Variants in MGST3 observed in about 807,000 individuals in gnomAD.
MGST3 encodes the protein glutathione S-transferase 3, mitochondrial.
Under a neutral mutation model 15.8 loss-of-function variants are expected in MGST3, and 13 were observed. The ratio of observed to expected loss-of-function variants is 0.82; its 90% confidence interval spans 0.54 to 1.31. The LOEUF is 1.31. MGST3 is among the 50% of genes most tolerant of loss of function. MGST3 has a pLI of 0.00. For synonymous variants in MGST3, 49 were observed against 68.1 expected (o/e 0.72, Z 1.38); for missense variants, 155 against 192.4 (o/e 0.81, Z 1.15).
chr1:165,643,511 G>C (rs1429205953), intron 1 of MGST3, among the ~76,000 whole-genome samples: 6 of 150,750 alleles, frequency 4.0e-5, no homozygotes, highest in African/African-American at 1.5e-4. Flanking sequence ...TAGAGCCCAG[G>C]AGTTCGAGAC....
intron 1 of MGST3, among the ~76,000 whole-genome samples, chr1:165,642,714 A>G (rs1047396704): frequency 4.6e-5 from 7 of 152,206 alleles, no homozygotes; most frequent in African/African-American, 1.7e-4. Context: ...TTATATTAGT[A>G]TCTCCATTTA....
intron 1 of MGST3, among the ~76,000 whole-genome samples, chr1:165,644,647 T>C (rs922811486): frequency 5.3e-5 from 8 of 152,226 alleles, no homozygotes; most frequent in Non-Finnish European, 1.2e-4. Flanking sequence ...TAAACTAGAT[T>C]ACTGAAGCTT....
At chr1:165,652,422 C>A (rs1225655350) in intron 4 of MGST3, among the ~76,000 whole-genome samples, 1 of 152,060 alleles carries the variant, frequency 6.6e-6, no homozygotes, top group Non-Finnish European at 1.5e-5. Flanking sequence ...AGACAAAGAC[C>A]CCTGGTTTCA....
At chr1:165,654,067 A>G in intron 4 of MGST3, 2 of 556,256 alleles carry the variant, frequency 3.6e-6, no homozygotes, top group South Asian at 3.8e-5. Context: ...CTCATCTCCC[A>G]GGTCCACAAG....
intron 1 of MGST3, among the ~76,000 whole-genome samples, chr1:165,634,018 C>T (rs1648031517): frequency 1.3e-5 from 2 of 148,506 alleles, no homozygotes; most frequent in Non-Finnish European, 3.0e-5. Flanking sequence ...TTGGAACTTT[C>T]CCAAAGTTTT....
At chr1:165,649,227 C>G (rs527287191) in intron 1 of MGST3, 4 of 155,012 alleles carry the variant, frequency 2.6e-5, no homozygotes, top group African/African-American at 9.6e-5. Context: ...GCCCCAGGAT[C>G]GAAGGGAGGC....
At chr1:165,644,822 A>G (rs1389036980) in intron 1 of MGST3, among the ~76,000 whole-genome samples, 6 of 152,050 alleles carry the variant, frequency 3.9e-5, no homozygotes, top group African/African-American at 1.2e-4. Flanking sequence ...GCAGTGGTGC[A>G]ATCTCGGCTC....
At chr1:165,655,075 T>C (rs1332370813) in intron 5 of MGST3, among the ~76,000 whole-genome samples, 1 of 152,172 alleles carries the variant, frequency 6.6e-6, no homozygotes, top group East Asian at 1.9e-4. Context: ...GGAAAAGCCA[T>C]TTTTAGCTGT....
intron 1 of MGST3, chr1:165,632,419 C>T (rs1016316474): frequency 4.3e-6 from 3 of 704,570 alleles, no homozygotes; most frequent in Non-Finnish European, 4.9e-6. Context: ...GGTTATTGGT[C>T]AGAGTTACAG....
At position 165,655,558 on chromosome 1, in the gene MGST3, T is replaced by G; in HGVS notation, c.*54T>G. On this transcript the variant is annotated 3_prime_UTR_variant, in exon 6 of 6. Transcript: ENST00000367889. ...TCATTTTAAATGACTTACCTTTATT[T>G]CCAGTTACATTTTTTTTCTAAATAT... is the stretch of plus-strand genomic sequence containing the variant. 1 of 1,606,260 alleles carries G rather than the reference T, an allele frequency of 6.2e-7. No individual in the cohort carries two copies. Among genetic ancestry groups the G allele is most frequent in the Non-Finnish European group, 8.5e-7 (1 of 1,174,722 alleles).
At chr1:165,647,094 G>A (rs915028810) in intron 1 of MGST3, 1 of 152,198 alleles carries the variant, frequency 6.6e-6, no homozygotes, top group Admixed American at 6.5e-5. Context: ...CCTTTCCAAG[G>A]TCCTAACTGT....
At chr1:165,655,261 TTGTCTAA>T (rs1648676303) in intron 5 of MGST3, 100 bp from the exon 6 acceptor site, 1 of 1,430,188 alleles carries the variant, frequency 7.0e-7, no homozygotes, top group Non-Finnish European at 9.7e-7. Flanking sequence ...TAAGGCCAGT[TTGTCTAA>T]TGTACAACCT....
chr1:165,655,238 T>TTAG, intron 5 of MGST3, 130 bp from the exon 6 acceptor site: 1 of 1,124,856 alleles, frequency 8.9e-7, no homozygotes. Context: ...GGCTAAAGAG[T>TTAG]TAGTTAACCT....
At chr1:165,636,536 G>T (rs377623226) in intron 1 of MGST3, among the ~76,000 whole-genome samples, 1 of 152,068 alleles carries the variant, frequency 6.6e-6, no homozygotes, top group East Asian at 1.9e-4. Flanking sequence ...AGGAGTTCGA[G>T]ACCAGTCTGA....
intron 1 of MGST3, among the ~76,000 whole-genome samples, chr1:165,639,332 T>G (rs1314150313): frequency 1.3e-5 from 2 of 152,222 alleles, no homozygotes; most frequent in Non-Finnish European, 2.9e-5. Flanking sequence ...TCTGCCTGTA[T>G]TCAGACACCA....
At chr1:165,634,425 G>A (rs1648042990) in intron 1 of MGST3, among the ~76,000 whole-genome samples, 1 of 152,086 alleles carries the variant, frequency 6.6e-6, no homozygotes, top group Non-Finnish European at 1.5e-5. Context: ...CTTAGAACAA[G>A]GTTTGCCCCT....
intron 1 of MGST3, among the ~76,000 whole-genome samples, chr1:165,643,963 T>TGGGAGGATCACCTGAGCC (rs1389136043): frequency 1.2e-3 from 186 of 151,626 alleles, no homozygotes; most frequent in African/African-American, 4.3e-3. Flanking sequence ...GAGGCTGAGT[T>TGGGAGGATCACCTGAGCC]GGGAGGATCA....
intron 1 of MGST3, chr1:165,632,264 C>T: frequency 6.2e-7 from 1 of 1,612,644 alleles, no homozygotes; most frequent in South Asian, 1.1e-5. Context: ...AAGGCGCTTC[C>T]GGCTCTGCAG....
intron 1 of MGST3, chr1:165,647,939 T>C (rs574582004): frequency 6.6e-6 from 1 of 152,334 alleles, no homozygotes; most frequent in East Asian, 1.9e-4. Flanking sequence ...GGACTGTAGG[T>C]GTGAGCCACC....
Sources: gnomAD v4.1 joint callset for allele counts (sites outside exome capture counted in the v4.1 genomes callset) on GRCh38, gnomAD v4.1.1 for gene constraint, MANE v1.5 for transcripts, NCBI Gene and HGNC (gene_info 2026-07-23, HGNC 2026-07-21) for gene names.